The following MRTFB variants were observed in gnomAD, a reference collection of about 807,000 sequenced individuals.
MRTFB encodes the protein myocardin-related transcription factor B.
In MRTFB, 29 loss-of-function variants were observed where a neutral mutation model predicts 104.2. That is an observed-to-expected ratio of 0.28 (90% confidence interval 0.21 to 0.38). The LOEUF (loss-of-function observed/expected upper bound fraction) is 0.38, where lower values mean the gene tolerates loss of function less well. Ranked by LOEUF, MRTFB falls within the 10% of genes least tolerant of loss-of-function variation. MRTFB has a pLI of 1.00. For synonymous variants in MRTFB, 535 were observed against 519.5 expected, an observed-to-expected ratio of 1.03 and a Z score of -0.41; for missense variants, 1,270 against 1,341.6, an observed-to-expected ratio of 0.95 and a Z score of 0.83.
intron 2 of MRTFB, chr16:14,092,586 A>G (rs576435641): frequency 2.6e-5 from 4 of 152,278 alleles, no homozygotes; most frequent in African/African-American, 7.2e-5. Context: ...AGTCCTGCCA[A>G]TGATTTTTTT....
intron 2 of MRTFB, among the ~76,000 whole-genome samples, chr16:14,123,867 C>T (rs1025988853): frequency 2.6e-5 from 4 of 152,280 alleles, no homozygotes; most frequent in African/African-American, 9.6e-5. Context: ...GCAGTGTGGC[C>T]ATTTTCACGA....
At chr16:14,237,788 G>A (rs1405611765) in intron 9 of MRTFB, among the ~76,000 whole-genome samples, 5 of 152,126 alleles carry the variant, frequency 3.3e-5, no homozygotes, top group Admixed American at 6.5e-5. Context: ...TCACTTATAC[G>A]TTCTCAATGT....
chr16:14,182,901 C>A (rs1210309179), intron 3 of MRTFB, among the ~76,000 whole-genome samples: 1 of 152,022 alleles, frequency 6.6e-6, no homozygotes, highest in Non-Finnish European at 1.5e-5. Flanking sequence ...TAACATAAAC[C>A]ATGTAAAGAG....
the MRTFB span, among the ~76,000 whole-genome samples, chr16:14,025,790 G>C: frequency 6.6e-6 from 1 of 152,036 alleles, no homozygotes; most frequent in Non-Finnish European, 1.5e-5. Context: ...AGGATGCAAG[G>C]GCACCATGCA....
intron 4 of MRTFB, among the ~76,000 whole-genome samples, chr16:14,210,561 C>G (rs1365622668): frequency 6.6e-6 from 1 of 152,188 alleles, no homozygotes; most frequent in Non-Finnish European, 1.5e-5. Context: ...ATTAGGCTAA[C>G]ATTCATTCTT....
the MRTFB span, among the ~76,000 whole-genome samples, chr16:14,049,314 C>T: frequency 6.9e-4 from 105 of 152,320 alleles, no homozygotes; most frequent in African/African-American, 1.6e-3. Flanking sequence ...ATGTATCACT[C>T]CCCTAAATAA....
chr16:14,192,940 T>C (rs1465455828), intron 3 of MRTFB, among the ~76,000 whole-genome samples: 1 of 152,178 alleles, frequency 6.6e-6, no homozygotes, highest in Non-Finnish European at 1.5e-5. Flanking sequence ...CACCAAGTCC[T>C]GCCGCCAAAG....
At position 14,115,223 on chromosome 16, in the gene MRTFB, C is replaced by T. The variant is rs563339327; in HGVS notation, c.-63-25321C>T. The stretch of plus-strand genomic sequence containing the variant: ...GTTCTTGCTACACATTGTACCTACT[C>T]TTTCTTCTGAGCAGCAATGTCAGGA... On this transcript the variant is annotated intron_variant, in intron 2 of 16. Coordinates refer to ENST00000571589, the MANE Select transcript of MRTFB (RefSeq NM_001308142.2). Among the ~76,000 whole-genome samples, 17 of 152,322 alleles carry T rather than the reference C, an allele frequency of 1.1e-4. 1 individual carries two copies. In the East Asian group the frequency reaches 3.3e-3, roughly 29 times the overall value.
In MRTFB at chr16:14,212,498, T is replaced by C. The variant is rs563847614; in HGVS notation, c.276+89T>C. ...TGTGTACAAGTAGCAGTGTTACTCC[T>C]AAATATGTCAATAGAGAAAAAATAG... On this transcript the variant is annotated intron_variant, in intron 5 of 16. Transcript: ENST00000571589. 2.3e-3 allele frequency: 2,643 copies of C among 1,162,638 alleles called. 59 individuals are homozygous for C. In the South Asian group the frequency reaches 0.027, roughly 12 times the overall value. 72.0% of individuals were successfully genotyped at this position (1,162,638 alleles called of 1,614,324 possible). A position where few individuals can be genotyped will look rare whatever the true frequency, so the allele number is the denominator to read the frequency against.
the MRTFB span, among the ~76,000 whole-genome samples, chr16:14,023,273 A>G: frequency 6.6e-6 from 1 of 152,022 alleles, no homozygotes; most frequent in African/African-American, 2.4e-5. Flanking sequence ...CCCTATCTCT[A>G]CAAAAAATAA....
intron 2 of MRTFB, among the ~76,000 whole-genome samples, chr16:14,124,827 C>T (rs980447825): frequency 2.6e-5 from 4 of 152,120 alleles, no homozygotes; most frequent in South Asian, 4.1e-4. Flanking sequence ...GGAACAGTTT[C>T]GGAAGGAATG....
At chr16:14,254,768 C>T (rs951943928) in intron 15 of MRTFB, among the ~76,000 whole-genome samples, 2 of 152,236 alleles carry the variant, frequency 1.3e-5, no homozygotes, top group Non-Finnish European at 2.9e-5. Context: ...ACATCCATAA[C>T]ATTTATCCAT....
At chr16:14,005,298 G>A in the MRTFB span, among the ~76,000 whole-genome samples, 1 of 152,212 alleles carries the variant, frequency 6.6e-6, no homozygotes. Context: ...GAAGGAAGTT[G>A]AGGCTCTTAA....
chr16:14,113,802 G>A (rs1204962511), intron 2 of MRTFB, among the ~76,000 whole-genome samples: 1 of 152,098 alleles, frequency 6.6e-6, no homozygotes, highest in Non-Finnish European at 1.5e-5. Flanking sequence ...AAAGAAAGTA[G>A]CAGTTATGAG....
At chr16:14,200,349 G>T in intron 3 of MRTFB, 1 of 1,607,774 alleles carries the variant, frequency 6.2e-7, no homozygotes, top group South Asian at 1.1e-5. Flanking sequence ...GGCTGGCGTA[G>T]GGCCGCCATG....
chr16:14,213,275 T>G (rs1243945168), intron 5 of MRTFB, among the ~76,000 whole-genome samples: 2 of 152,208 alleles, frequency 1.3e-5, no homozygotes, highest in Non-Finnish European at 2.9e-5. Context: ...AAAAACTATC[T>G]TCAAAACACG....
chr16:14,204,328 T>G (rs1485834488), intron 3 of MRTFB, among the ~76,000 whole-genome samples: 1 of 152,066 alleles, frequency 6.6e-6, no homozygotes, highest in African/African-American at 2.4e-5. Context: ...CTAAAAGCAC[T>G]CTAAACCATT....
chr16:14,166,113 A>C (rs955239262), intron 3 of MRTFB, among the ~76,000 whole-genome samples: 4 of 152,200 alleles, frequency 2.6e-5, no homozygotes, highest in Admixed American at 2.0e-4. Context: ...ATTGTTTAGC[A>C]ATTAAGAAGA....
chr16:14,214,409 A>G (rs1197447179), intron 6 of MRTFB, among the ~76,000 whole-genome samples: 1 of 152,196 alleles, frequency 6.6e-6, no homozygotes, highest in East Asian at 1.9e-4. Context: ...GGTAGAAGGG[A>G]GGTTTGTTCT....
Sources: allele counts gnomAD v4.1 joint callset (sites outside exome capture counted in the v4.1 genomes callset), GRCh38; gene constraint gnomAD v4.1.1; transcripts MANE v1.5; gene names NCBI Gene and HGNC (gene_info 2026-07-23, HGNC 2026-07-21).